Variants in PCDH9 observed in about 807,000 individuals in gnomAD.
PCDH9 encodes the protein protocadherin 9, also known as protocadherin-9.
A neutral mutation model predicts 70.6 loss-of-function variants in PCDH9; 24 were observed. That is an observed-to-expected ratio of 0.34 (90% CI 0.25 to 0.48). The LOEUF (loss-of-function observed/expected upper bound fraction) is 0.48, where lower values mean the gene tolerates loss of function less well. PCDH9 is among the 20% of genes least tolerant of loss of function. PCDH9 has a pLI of 0.99. For synonymous variants in PCDH9, 562 were observed against 558.5 expected (o/e 1.01, Z -0.09); for missense variants, 1,281 against 1,503.6 (o/e 0.85, Z 2.45).
At chr13:66,975,542 G>T (rs1399657350) in intron 2 of PCDH9, among the ~76,000 whole-genome samples, 1 of 151,990 alleles carries the variant, frequency 6.6e-6, no homozygotes, top group African/African-American at 2.4e-5. Context: ...CTAGTGAAAT[G>T]AAATCATTTC....
chr13:66,517,495 AAAC>A (rs1181201581), intron 4 of PCDH9, among the ~76,000 whole-genome samples: 3 of 152,166 alleles, frequency 2.0e-5, no homozygotes, highest in South Asian at 2.1e-4. Flanking sequence ...AATTTAAAAA[AAAC>A]AACAACAAAA....
chr13:66,558,603 T>A (rs1961851702), intron 4 of PCDH9, among the ~76,000 whole-genome samples: 1 of 151,966 alleles, frequency 6.6e-6, no homozygotes. Context: ...CTTTCCTTCC[T>A]CTCTGAAACT....
intron 2 of PCDH9, among the ~76,000 whole-genome samples, chr13:67,042,664 C>T (rs1322355965): frequency 3.9e-5 from 6 of 152,148 alleles, no homozygotes; most frequent in Non-Finnish European, 8.8e-5. Flanking sequence ...TCTTACTATT[C>T]ATTCAAAAAC....
rs373439145 is a variant in PCDH9 at position 66,304,891 on chromosome 13, T to C, written c.3478A>G (p.Thr1160Ala). 1.2e-6 allele frequency: 2 copies of C among 1,613,532 alleles called. No homozygotes were observed. Among genetic ancestry groups the C allele is most frequent in the Non-Finnish European group, 1.7e-6 (2 of 1,179,736 alleles). ...PYQHPKSPLS[T>A]FAPQKEWVKK... ...ACCCATTCTTTCTGGGGTGCAAAGG[T>C]TGAGAGAGGAGATTTGGGGTGTTGA... The change falls in exon 5 of 5, where the codon ACC (threonine) becomes GCC (alanine). Residue 1160 changes from threonine to alanine, a missense_variant. Physicochemically the swap from Thr to Ala is moderately conservative, Grantham distance 58 (BLOSUM62 0). Around this residue, in one of 4 missense-constraint regions of PCDH9, gnomAD observed 264 missense variants for 278.8 expected, o/e 0.95. Coordinates refer to ENST00000377865, the MANE Select transcript of PCDH9 (RefSeq NM_203487.3).
intron 4 of PCDH9, among the ~76,000 whole-genome samples, chr13:66,507,878 C>T (rs1233225137): frequency 5.9e-5 from 9 of 152,206 alleles, no homozygotes; most frequent in South Asian, 4.2e-4. Flanking sequence ...TGTGCCCCCA[C>T]GCCCAGCTAA....
chr13:66,918,537 A>G (rs2082591739), intron 2 of PCDH9, among the ~76,000 whole-genome samples: 1 of 151,312 alleles, frequency 6.6e-6, no homozygotes, highest in South Asian at 2.1e-4. Context: ...AGTATTACTT[A>G]GGCAAAAATA....
intron 2 of PCDH9, among the ~76,000 whole-genome samples, chr13:67,151,679 T>G (rs763553287): frequency 2.0e-5 from 3 of 150,992 alleles, no homozygotes; most frequent in Non-Finnish European, 2.9e-5. Flanking sequence ...TTTTGCTCTA[T>G]ACTTAGAGGA....
At chr13:66,561,332 C>T (rs546316485) in intron 4 of PCDH9, among the ~76,000 whole-genome samples, 35 of 152,278 alleles carry the variant, frequency 2.3e-4, no homozygotes, top group African/African-American at 7.5e-4. Flanking sequence ...CTGTGCCGCC[C>T]GAGCCTCCCG....
chr13:66,931,864 A>C (rs1029641236), intron 2 of PCDH9, among the ~76,000 whole-genome samples: 1 of 152,120 alleles, frequency 6.6e-6, no homozygotes, highest in African/African-American at 2.4e-5. Context: ...CAAAACACTT[A>C]TGTTGCAAAG....
At chr13:66,868,715 T>A (rs1377622322) in intron 3 of PCDH9, among the ~76,000 whole-genome samples, 2 of 152,136 alleles carry the variant, frequency 1.3e-5, no homozygotes, top group Non-Finnish European at 2.9e-5. Context: ...AAGAGACATA[T>A]GACATGAAAT....
chr13:67,197,307 C>T (rs1286518156), intron 2 of PCDH9, among the ~76,000 whole-genome samples: 1 of 151,700 alleles, frequency 6.6e-6, no homozygotes, highest in Non-Finnish European at 1.5e-5. Context: ...TTATATTGTA[C>T]AAGATAAGGA....
chr13:66,451,863 T>A (rs570309193), intron 4 of PCDH9, among the ~76,000 whole-genome samples: 2 of 152,362 alleles, frequency 1.3e-5, no homozygotes, highest in South Asian at 4.1e-4. Flanking sequence ...ACTTAGAATG[T>A]GTTTGCATAC....
chr13:66,381,933 C>A (rs1444752120), intron 4 of PCDH9, among the ~76,000 whole-genome samples: 1 of 151,158 alleles, frequency 6.6e-6, no homozygotes, highest in Non-Finnish European at 1.5e-5. Context: ...CCATCTATAC[C>A]AAGGGCAAGC....
chr13:66,864,676 TTC>T (rs1369850281), intron 3 of PCDH9, among the ~76,000 whole-genome samples: 2 of 152,220 alleles, frequency 1.3e-5, no homozygotes, highest in Non-Finnish European at 1.5e-5. Flanking sequence ...TTCTCTGGAA[TTC>T]TCTCTTTCCC....
intron 3 of PCDH9, among the ~76,000 whole-genome samples, chr13:66,652,452 T>C (rs189920283): frequency 1.3e-3 from 192 of 152,094 alleles, no homozygotes; most frequent in African/African-American, 4.4e-3. Context: ...CAATGAAAAC[T>C]GTAAAACATT....
intron 3 of PCDH9, among the ~76,000 whole-genome samples, chr13:66,737,549 G>A (rs1423074735): frequency 7.2e-5 from 11 of 152,328 alleles, no homozygotes; most frequent in Admixed American, 6.5e-4. Context: ...GAGCGACGCA[G>A]AAGACGGGTG....
At chr13:66,348,148 C>T (rs1449103770) in intron 4 of PCDH9, among the ~76,000 whole-genome samples, 1 of 152,020 alleles carries the variant, frequency 6.6e-6, no homozygotes, top group Non-Finnish European at 1.5e-5. Flanking sequence ...TCCCACTTTC[C>T]TCCCAATCTT....
intron 4 of PCDH9, among the ~76,000 whole-genome samples, chr13:66,434,555 A>G (rs1022321237): frequency 6.6e-6 from 1 of 152,026 alleles, no homozygotes; most frequent in South Asian, 2.1e-4. Flanking sequence ...CACATAATGG[A>G]TGATCAATGC....
intron 4 of PCDH9, among the ~76,000 whole-genome samples, chr13:66,391,111 G>T (rs966104375): frequency 3.9e-5 from 6 of 152,082 alleles, no homozygotes; most frequent in African/African-American, 1.4e-4. Context: ...TATTTTAACA[G>T]TGCTCTGTTA....
Sources: allele counts gnomAD v4.1 joint callset (sites outside exome capture counted in the v4.1 genomes callset), GRCh38; gene constraint gnomAD v4.1.1; regional missense constraint gnomAD v4.1.1; transcripts MANE v1.5; gene names NCBI Gene and HGNC (gene_info 2026-07-23, HGNC 2026-07-21).